The following TMEM273 variants were observed in gnomAD, a reference collection of about 807,000 sequenced individuals.
TMEM273 encodes the protein transmembrane protein 273.
A neutral mutation model predicts 17.9 loss-of-function variants in TMEM273; 19 were observed. That is an observed-to-expected ratio of 1.06 (90% CI 0.74 to 1.55). The LOEUF is 1.55. Ranked by LOEUF, TMEM273 falls within the 40% of genes most tolerant of loss-of-function variation. The pLI, the probability that TMEM273 is intolerant of heterozygous loss-of-function variation, is 0.00. For synonymous variants in TMEM273, 66 were observed against 62.0 expected (o/e 1.07, Z -0.31); for missense variants, 194 against 155.6 (o/e 1.25, Z -1.31).
At chr10:49,181,707 A>G (rs1165832828) in intron 1 of TMEM273, among the ~76,000 whole-genome samples, 2 of 152,194 alleles carry the variant, frequency 1.3e-5, no homozygotes, top group Non-Finnish European at 2.9e-5. Context: ...AGAGCTCAAA[A>G]TTGATCATAG....
chr10:49,178,188 C>G (rs1269454153), intron 1 of TMEM273: 1 of 457,362 alleles, frequency 2.2e-6, no homozygotes, highest in Non-Finnish European at 4.4e-6. Context: ...CCCATGTCAC[C>G]TCTCATTCTC....
chr10:49,170,631 G>A (rs139510464), intron 1 of TMEM273, among the ~76,000 whole-genome samples: 59 of 152,242 alleles, frequency 3.9e-4, no homozygotes, highest in Non-Finnish European at 7.8e-4. Flanking sequence ...ACCAACGTGG[G>A]CAGATAACCC....
chr10:49,168,867 G>A (rs77273670), intron 1 of TMEM273, among the ~76,000 whole-genome samples: 1 of 152,192 alleles, frequency 6.6e-6, no homozygotes, highest in Admixed American at 6.5e-5. Context: ...TCCTTGGAGA[G>A]AAATGTGCAC....
chr10:49,159,399 A>G (rs533027967), intron 6 of TMEM273, among the ~76,000 whole-genome samples: 4 of 152,318 alleles, frequency 2.6e-5, no homozygotes, highest in Non-Finnish European at 4.4e-5. Flanking sequence ...GAGTGGGTCT[A>G]TAGCTGCATA....
chr10:49,165,077 G>C, intron 5 of TMEM273, 128 bp downstream of exon 5: 1 of 1,351,794 alleles, frequency 7.4e-7, no homozygotes, highest in Non-Finnish European at 9.7e-7. Flanking sequence ...TTACATTTTA[G>C]AAAAAAACCC....
intron 1 of TMEM273, among the ~76,000 whole-genome samples, chr10:49,175,252 G>T (rs1017004406): frequency 6.6e-6 from 1 of 152,162 alleles, no homozygotes; most frequent in Admixed American, 6.5e-5. Context: ...GACAGATAAG[G>T]TTTTCAGAAA....
chr10:49,174,225 T>C (rs561165547), intron 1 of TMEM273, among the ~76,000 whole-genome samples: 1 of 152,228 alleles, frequency 6.6e-6, no homozygotes, highest in East Asian at 1.9e-4. Flanking sequence ...CTGGCTTGGG[T>C]GATATGGGTG....
intron 1 of TMEM273, among the ~76,000 whole-genome samples, chr10:49,168,716 G>A (rs1846360832): frequency 1.4e-5 from 2 of 147,740 alleles, no homozygotes; most frequent in African/African-American, 5.0e-5. Context: ...GAGGGAGGGA[G>A]GGAGGGTGGG....
chr10:49,160,244 T>A lies in TMEM273; in HGVS notation c.372+1355A>T, dbSNP rs556612142. 3.3e-5 allele frequency: 5 copies of A among 152,280 alleles called. 1 individual carries two copies. In the South Asian group the frequency reaches 1.0e-3, roughly 32 times the overall value. 9.4% of individuals were successfully genotyped at this position (152,280 alleles called of 1,614,324 possible). On this transcript the variant is annotated intron_variant, in intron 6 of 6. Transcript: ENST00000374153. The stretch of plus-strand genomic sequence containing the variant: ...CATTTCAGAGGGGAAAATTCTAATT[T>A]CTACAAATGTAGAAATCTAGTGGTC...
intron 6 of TMEM273, among the ~76,000 whole-genome samples, chr10:49,159,953 A>C (rs545482513): frequency 2.0e-5 from 3 of 152,336 alleles, no homozygotes; most frequent in Admixed American, 2.0e-4. Context: ...TCATGATGGC[A>C]ATGGATTAAA....
chr10:49,186,096 GA>G (rs1564652307), intron 1 of TMEM273, among the ~76,000 whole-genome samples: 113 of 150,266 alleles, frequency 7.5e-4, no homozygotes, highest in African/African-American at 1.5e-3. Flanking sequence ...AGAAGAAGAA[GA>G]AGAAGAAGAA....
intron 6 of TMEM273, among the ~76,000 whole-genome samples, chr10:49,159,890 C>A (rs1352579601): frequency 6.6e-6 from 1 of 152,066 alleles, no homozygotes; most frequent in Non-Finnish European, 1.5e-5. Context: ...CAGAGGCCAC[C>A]AAGAAGTGAC....
chr10:49,172,009 A>G (rs1419337878), intron 1 of TMEM273, among the ~76,000 whole-genome samples: 1 of 152,212 alleles, frequency 6.6e-6, no homozygotes, highest in Non-Finnish European at 1.5e-5. Context: ...ATGTCGTTCT[A>G]TAAGTATTTG....
intron 5 of TMEM273, among the ~76,000 whole-genome samples, chr10:49,163,944 C>G (rs918116804): frequency 6.6e-6 from 1 of 152,124 alleles, no homozygotes; most frequent in African/African-American, 2.4e-5. Flanking sequence ...ATGCGTTCAT[C>G]CCTCATGCAG....
chr10:49,155,526 C>T lies in TMEM273; in HGVS notation c.*366G>A, dbSNP rs976995405. ...GTGTGTAGGAAGCTGTGTGTTGGGT[C>T]GGATTCCCCTTTTCATGAGCCATTT... On this transcript the variant is annotated 3_prime_UTR_variant, in exon 7 of 7. Coordinates refer to ENST00000374153, the MANE Select transcript of TMEM273 (RefSeq NM_001288740.3). 13 of 314,576 alleles carry T rather than the reference C, an allele frequency of 4.1e-5. No homozygotes were observed. Among genetic ancestry groups the T allele is most frequent in the East Asian group, 6.6e-5 (1 of 15,188 alleles). 19.5% of individuals were successfully genotyped at this position (314,576 alleles called of 1,614,324 possible). A position where few individuals can be genotyped will look rare whatever the true frequency, so the allele number is the denominator to read the frequency against.
chr10:49,156,757 G>A lies in TMEM273; in HGVS notation c.373-848C>T, dbSNP rs566886692. On this transcript the variant is annotated intron_variant, in intron 6 of 6. Transcript: ENST00000374153. Reference sequence around the variant, plus strand: ...AAGCCACGTCAAAGGCCATAAAACAGACAGCACATATTTGACTACCCCATA... The same window carrying A: ...AAGCCACGTCAAAGGCCATAAAACAAACAGCACATATTTGACTACCCCATA... Among the ~76,000 whole-genome samples the A allele has an allele frequency of 2.6e-5, 4 of 152,306 alleles. No individual in the cohort carries two copies. In the East Asian group the frequency reaches 7.7e-4, roughly 29 times the overall value.
chr10:49,168,024 A>G lies in TMEM273; in HGVS notation c.44-62T>C, dbSNP rs979212634. The G allele has an allele frequency of 2.5e-6, 4 of 1,601,232 alleles. No individual in the cohort carries two copies. The African/African-American group carries it at 5.4e-5, about 21-fold the overall frequency. ...GAGCTGGCTGTGGTCCCAGCTACCC[A>G]GTCTCAGAGGCCTGGGAAAGCCTAC... is the stretch of plus-strand genomic sequence containing the variant. On this transcript the variant is annotated intron_variant, in intron 1 of 6. Coordinates refer to ENST00000374153, the MANE Select transcript of TMEM273 (RefSeq NM_001288740.3).
intron 1 of TMEM273, among the ~76,000 whole-genome samples, chr10:49,169,601 C>A (rs1489066539): frequency 2.6e-5 from 4 of 152,232 alleles, no homozygotes; most frequent in Admixed American, 1.3e-4. Context: ...CCACAGATCA[C>A]AAGCCCCATG....
At chr10:49,159,086 G>A (rs1444899737) in intron 6 of TMEM273, among the ~76,000 whole-genome samples, 1 of 152,092 alleles carries the variant, frequency 6.6e-6, no homozygotes, top group East Asian at 1.9e-4. Context: ...ACAGTTACAA[G>A]AGAAACACTT....
Sources: allele counts gnomAD v4.1 joint callset (sites outside exome capture counted in the v4.1 genomes callset), GRCh38; gene constraint gnomAD v4.1.1; transcripts MANE v1.5; gene names NCBI Gene and HGNC (gene_info 2026-07-23, HGNC 2026-07-21).